The following PDE8B variants were observed in gnomAD, a reference collection of about 807,000 sequenced individuals.
PDE8B encodes high affinity cAMP-specific and IBMX-insensitive 3',5'-cyclic phosphodiesterase 8B.
In PDE8B, 26 loss-of-function variants were observed where a neutral mutation model predicts 101.3. The ratio of observed to expected loss-of-function variants is 0.26; its 90% CI spans 0.19 to 0.36. PDE8B has a LOEUF of 0.36. PDE8B is among the 10% of genes least tolerant of loss of function. The pLI, the probability that PDE8B is intolerant of heterozygous loss-of-function variation, is 1.00. For synonymous variants in PDE8B, 424 were observed against 429.3 expected, an observed-to-expected ratio of 0.99 and a Z score of 0.15; for missense variants, 810 against 1,163.1, an observed-to-expected ratio of 0.70 and a Z score of 4.42.
At chr5:77,120,701 A>G in the PDE8B span, among the ~76,000 whole-genome samples, 5 of 152,240 alleles carry the variant, frequency 3.3e-5, no homozygotes, top group African/African-American at 9.6e-5. Context: ...AGTGAGGTAA[A>G]AACAAAAACA....
chr5:77,132,114 C>T, the PDE8B span, among the ~76,000 whole-genome samples: 12,981 of 152,140 alleles, frequency 0.085, 751 homozygotes, highest in East Asian at 0.23. Context: ...AAGTAGTATA[C>T]AAGCTAATTG....
intron 10 of PDE8B, among the ~76,000 whole-genome samples, chr5:77,374,285 A>G (rs997067365): frequency 6.6e-5 from 10 of 152,010 alleles, no homozygotes; most frequent in African/African-American, 2.2e-4. Context: ...TTTTTTATGG[A>G]GAGTGTATAA....
intron 10 of PDE8B, among the ~76,000 whole-genome samples, chr5:77,378,965 A>C (rs1360881115): frequency 6.6e-6 from 1 of 152,032 alleles, no homozygotes; most frequent in East Asian, 1.9e-4. Context: ...TTTGAAAGAC[A>C]TTAGAGAGAA....
chr5:77,209,615 C>T (rs543592413), upstream of PDE8B, among the ~76,000 whole-genome samples: 3 of 152,264 alleles, frequency 2.0e-5, no homozygotes, highest in African/African-American at 7.2e-5. Context: ...AGCAGCCATC[C>T]TTCTAAAGGC....
At position 77,426,505 on chromosome 5, in the gene PDE8B, C is replaced by T; in HGVS notation, c.2609C>T (p.Thr870Ile). Reference sequence around the variant, plus strand: ...GCTGACAACTACAAACACTGGAAGACACTAGATGACCTAAAGTGCAAAAGT... The same window carrying T: ...GCTGACAACTACAAACACTGGAAGATACTAGATGACCTAAAGTGCAAAAGT... ...HLADNYKHWK[T>I]LDDLKCKSLR... is the part of the protein sequence containing the mutation. Residue 870 changes from threonine to isoleucine, a missense_variant, in exon 22 of 22, where the codon ACA becomes ATA. Thr to Ile is a moderately conservative substitution (Grantham distance 89, BLOSUM62 -1). Around this residue, in one of 4 missense-constraint regions of PDE8B, gnomAD observed 325 missense variants for 560.9 expected, o/e 0.58. Coordinates refer to ENST00000264917, the MANE Select transcript of PDE8B (RefSeq NM_003719.5). The T allele has an allele frequency of 6.2e-7, 1 of 1,613,750 alleles. No individual in the cohort carries two copies. Among genetic ancestry groups the T allele is most frequent in the South Asian group, 1.1e-5 (1 of 91,070 alleles).
At chr5:77,218,958 G>A (rs909871360) in intron 1 of PDE8B, among the ~76,000 whole-genome samples, 1 of 152,146 alleles carries the variant, frequency 6.6e-6, no homozygotes, top group Admixed American at 6.5e-5. Context: ...AGACAGATAG[G>A]TTATCCCAAA....
At chr5:77,166,245 A>C in the PDE8B span, among the ~76,000 whole-genome samples, 9 of 149,820 alleles carry the variant, frequency 6.0e-5, no homozygotes, top group Non-Finnish European at 1.3e-4. Context: ...AAAAAAAAAA[A>C]ACCAACAAAA....
the PDE8B span, among the ~76,000 whole-genome samples, chr5:77,109,939 T>TG: frequency 2.4e-3 from 281 of 115,000 alleles, 3 homozygotes; most frequent in African/African-American, 9.8e-3. Context: ...TTTTTTTTTT[T>TG]TTTTTTTTTT....
chr5:77,244,445 C>T lies in PDE8B; in HGVS notation c.339+33181C>T, dbSNP rs748274627. On this transcript the variant is annotated intron_variant, in intron 1 of 21. Transcript: ENST00000264917. Reference sequence around the variant, plus strand: ...GAGAAATGATCTGGGTCTAGGAAACCATACAGGCTCCAGGGGCAGCCTTAG... The same window carrying T: ...GAGAAATGATCTGGGTCTAGGAAACTATACAGGCTCCAGGGGCAGCCTTAG... Among the ~76,000 whole-genome samples, 3 of 152,136 alleles carry T rather than the reference C, an allele frequency of 2.0e-5. No individual in the cohort carries two copies. In the East Asian group the frequency reaches 5.8e-4, roughly 29 times the overall value.
chr5:77,360,373 A>G (rs747393769), intron 10 of PDE8B, among the ~76,000 whole-genome samples: 1 of 152,220 alleles, frequency 6.6e-6, no homozygotes, highest in Non-Finnish European at 1.5e-5. Flanking sequence ...AGAGACTTAC[A>G]GTACCTTAGG....
Position 77,322,863 on chromosome 5 carries a change from C to A in PDE8B, c.400-2676C>A, listed in dbSNP as rs1377858794. The stretch of plus-strand genomic sequence containing the variant: ...AAAGAGTCTTTATTTTGTTCATCAA[C>A]ATACCATAAGCAGTTAATAGCAGTG... On this transcript the variant is annotated intron_variant, in intron 2 of 21. Coordinates refer to ENST00000264917, the MANE Select transcript of PDE8B (RefSeq NM_003719.5). 1.6e-4 allele frequency among the ~76,000 whole-genome samples: 24 copies of A among 152,192 alleles called. 1 individual carries two copies. The highest frequency in any genetic ancestry group is 1.6e-3 in the Admixed American group (24 of 15,282).
intron 19 of PDE8B, among the ~76,000 whole-genome samples, chr5:77,420,427 G>A (rs1796399526): frequency 7.2e-6 from 1 of 138,542 alleles, no homozygotes; most frequent in Non-Finnish European, 1.6e-5. Context: ...TTGGCTTTTA[G>A]GAACATGAAA....
At chr5:77,177,798 A>G in the PDE8B span, among the ~76,000 whole-genome samples, 2 of 152,240 alleles carry the variant, frequency 1.3e-5, no homozygotes, top group African/African-American at 2.4e-5. Flanking sequence ...CAAAGGGACG[A>G]TTCACGTTCT....
the PDE8B span, among the ~76,000 whole-genome samples, chr5:77,106,501 C>T: frequency 1.8e-4 from 27 of 152,120 alleles, no homozygotes; most frequent in Admixed American, 7.9e-4. Context: ...CCACATTGAT[C>T]GCATATCTAT....
the PDE8B span, chr5:77,180,581 C>A: frequency 1.4e-6 from 1 of 722,950 alleles, no homozygotes; most frequent in Non-Finnish European, 1.7e-6. Context: ...GGCTTCAGGG[C>A]CCCCTTTCAG....
chr5:77,391,665 C>G (rs1349375861), intron 10 of PDE8B, among the ~76,000 whole-genome samples: 1 of 152,196 alleles, frequency 6.6e-6, no homozygotes, highest in African/African-American at 2.4e-5. Context: ...TTATCTGGCT[C>G]CACTCTAGAC....
At chr5:77,394,137 G>A (rs1332112732) in intron 10 of PDE8B, among the ~76,000 whole-genome samples, 1 of 152,198 alleles carries the variant, frequency 6.6e-6, no homozygotes, top group African/African-American at 2.4e-5. Flanking sequence ...CAGGTAGAGG[G>A]AAGAAGTAAA....
At chr5:77,097,685 T>TTATATATA in the PDE8B span, among the ~76,000 whole-genome samples, 549 of 17,918 alleles carry the variant, frequency 0.031, 36 homozygotes, top group Middle Eastern at 0.14. Flanking sequence ...TGTGGAGATT[T>TTATATATA]TATATATCTA....
At chr5:77,175,525 C>T in the PDE8B span, among the ~76,000 whole-genome samples, 1 of 152,180 alleles carries the variant, frequency 6.6e-6, no homozygotes, top group Non-Finnish European at 1.5e-5. Context: ...TCTCAGACTT[C>T]CCAAACTAAA....
Sources: allele counts gnomAD v4.1 joint callset (sites outside exome capture counted in the v4.1 genomes callset), GRCh38; gene constraint gnomAD v4.1.1; regional missense constraint gnomAD v4.1.1; transcripts MANE v1.5; gene names NCBI Gene and HGNC (gene_info 2026-07-23, HGNC 2026-07-21).